The following OCIAD2 variants were observed in gnomAD, a reference collection of about 807,000 sequenced individuals.
OCIAD2 encodes the protein OCIA domain-containing protein 2.
OCIAD2 carries 29 observed loss-of-function variants against 22.9 expected under a neutral mutation model. The ratio of observed to expected loss-of-function variants is 1.27; its 90% CI spans 0.94 to 1.73. OCIAD2 has a LOEUF of 1.73. Among genes scored for constraint, OCIAD2 ranks in the 40% most tolerant of loss-of-function variants. The pLI is 0.00. For synonymous variants in OCIAD2, 67 were observed against 60.2 expected, an observed-to-expected ratio of 1.11 and a Z score of -0.52; for missense variants, 189 against 180.3, an observed-to-expected ratio of 1.05 and a Z score of -0.28.
rs528205358 is a variant in OCIAD2, at chr4:48,896,702, G to A, written c.217+1102C>T. ...TAATCCCAGGTACTCAGGAGGTCTA[G>A]TGGCGAGGATTGCTTGAGCCCAACA... On this transcript the variant is annotated intron_variant, in intron 4 of 6. Transcript: ENST00000508632. 7.9e-5 allele frequency among the ~76,000 whole-genome samples: 12 copies of A among 152,224 alleles called. No individual in the cohort carries two copies. In the South Asian group the frequency reaches 2.1e-3, roughly 26 times the overall value.
chr4:48,900,057 G>GGA (rs1781382226), intron 2 of OCIAD2, 132 bp from the exon 3 acceptor site: 2 of 566,986 alleles, frequency 3.5e-6, no homozygotes, highest in South Asian at 4.5e-5. Context: ...GCAGCCCAAA[G>GGA]CAATTATCAG....
intron 1 of OCIAD2, among the ~76,000 whole-genome samples, chr4:48,905,267 C>T (rs1259812677): frequency 6.6e-6 from 1 of 151,972 alleles, no homozygotes; most frequent in East Asian, 1.9e-4. Context: ...CGATTTGGGT[C>T]TAGAGTTCCA....
At chr4:48,892,199 A>G (rs1781193788) in intron 6 of OCIAD2, among the ~76,000 whole-genome samples, 1 of 152,246 alleles carries the variant, frequency 6.6e-6, no homozygotes, top group Non-Finnish European at 1.5e-5. Flanking sequence ...GTCATGAATA[A>G]TCATTTCTAT....
In OCIAD2 at chr4:48,885,463, C is replaced by T. The variant is rs768198511; in HGVS notation, c.*21G>A. ...ACAAATTCAGAGGTTTAAAAAACTT[C>T]GAAAGTCACAGACACAGAATTTAGG... is the stretch of plus-strand genomic sequence containing the variant. On this transcript the variant is annotated 3_prime_UTR_variant, in exon 7 of 7. Coordinates refer to ENST00000508632, the MANE Select transcript of OCIAD2 (RefSeq NM_001014446.3). 2.1e-5 allele frequency: 31 copies of T among 1,445,170 alleles called. No homozygotes were observed. Among genetic ancestry groups the T allele is most frequent in the East Asian group, 6.8e-5 (3 of 44,102 alleles). The allele number at this position is 1,445,170 out of a possible 1,614,324, so 89.5% of individuals were successfully genotyped here. A position where few individuals can be genotyped will look rare whatever the true frequency, so the allele number is the denominator to read the frequency against.
intron 3 of OCIAD2, among the ~76,000 whole-genome samples, chr4:48,898,148 C>T (rs537952969): frequency 1.3e-5 from 2 of 152,302 alleles, no homozygotes; most frequent in South Asian, 2.1e-4. Flanking sequence ...CTAAGCACTA[C>T]ATATAATAAA....
chr4:48,894,102 T>A, intron 4 of OCIAD2, 49 bp from the exon 5 acceptor site: 1 of 957,414 alleles, frequency 1.0e-6, no homozygotes, highest in South Asian at 2.6e-5. Context: ...ATAAATTAAA[T>A]TATAAGTTAT....
intron 6 of OCIAD2, among the ~76,000 whole-genome samples, chr4:48,891,965 T>C (rs1036441228): frequency 9.9e-5 from 15 of 152,200 alleles, no homozygotes; most frequent in Non-Finnish European, 2.1e-4. Flanking sequence ...TAAGGCCCCA[T>C]CTATCACTAC....
chr4:48,900,475 CT>C (rs536268143), intron 2 of OCIAD2, among the ~76,000 whole-genome samples: 113 of 146,910 alleles, frequency 7.7e-4, no homozygotes, highest in African/African-American at 1.5e-3. Context: ...AATCTGGATG[CT>C]TTTTTTTTTA....
chr4:48,900,566 AT>A (rs1781394067), intron 2 of OCIAD2, among the ~76,000 whole-genome samples: 1 of 150,626 alleles, frequency 6.6e-6, no homozygotes, highest in Admixed American at 6.6e-5. Flanking sequence ...GTTCTGTAGT[AT>A]TTTTTGGGAA....
At chr4:48,892,656 A>G (rs1186376233) in intron 6 of OCIAD2, 116 bp downstream of exon 6, 3 of 552,556 alleles carry the variant, frequency 5.4e-6, no homozygotes, top group Non-Finnish European at 9.4e-6. Context: ...TTGAGGGTTA[A>G]AACTTTTTTT....
chr4:48,904,488 T>C lies in OCIAD2; in HGVS notation c.62A>G (p.Lys21Arg). The C allele has an allele frequency of 6.2e-7, 1 of 1,613,722 alleles. No individual in the cohort carries two copies. The highest frequency in any genetic ancestry group is 8.5e-7 in the Non-Finnish European group (1 of 1,179,616). ...DKDAHFPPPS[K>R]QSLLFCPKSK... is the part of the protein sequence containing the mutation. ...TCAATAAATATAAAAGTATACCTGC[T>C]TGCTTGGTGGTGGAAAATGGGCATC... The change falls in exon 2 of 7, where the codon AAG becomes AGG. Residue 21 changes from lysine to arginine, a missense_variant. Physicochemically the swap from Lys to Arg is conservative, Grantham distance 26 (BLOSUM62 2). Transcript: ENST00000508632.
chr4:48,906,504 C>CT (rs1301047797), intron 1 of OCIAD2, among the ~76,000 whole-genome samples, 154 bp downstream of exon 1: 5 of 152,244 alleles, frequency 3.3e-5, no homozygotes, highest in Non-Finnish European at 2.9e-5. Flanking sequence ...TCCCCAGCCC[C>CT]TCGCCCGTGC....
intron 6 of OCIAD2, among the ~76,000 whole-genome samples, chr4:48,890,566 C>T (rs890765778): frequency 1.3e-5 from 2 of 152,114 alleles, no homozygotes; most frequent in Admixed American, 6.5e-5. Context: ...GAATTTCTGG[C>T]TTATAGTTTG....
chr4:48,892,855 T>C lies in OCIAD2; in HGVS notation c.300A>G (p.Val100=). 6.2e-7 allele frequency: 1 copy of C among 1,610,962 alleles called. No homozygotes were observed. The change falls in exon 6 of 7, where the codon GTA becomes GTG. Residue 100 remains valine (V), a synonymous_variant. Transcript: ENST00000508632. ...AGLLGFGLGK[V]SYIGVCQSKF... Reference sequence around the variant, plus strand: ...TACTCTGGCATACTCCTATGTATGATACCTTTCCAAGGCCAAATCCCAAGA... The same window carrying C: ...TACTCTGGCATACTCCTATGTATGACACCTTTCCAAGGCCAAATCCCAAGA...
At chr4:48,901,358 CAG>C (rs1376615394) in intron 2 of OCIAD2, among the ~76,000 whole-genome samples, 1 of 152,112 alleles carries the variant, frequency 6.6e-6, no homozygotes. Context: ...CTCACTGTGA[CAG>C]AGTCTTGCTA....
rs1781488529 is a variant in OCIAD2 at position 48,904,568 on chromosome 4, C to G, written c.-19G>C. 4 of 1,612,982 alleles carry G rather than the reference C, an allele frequency of 2.5e-6. No individual in the cohort carries two copies. Among genetic ancestry groups the G allele is most frequent in the Non-Finnish European group, 3.4e-6 (4 of 1,179,160 alleles). ...AAGCCATGATGACTTTGTGCTTGCT[C>G]TCCTTCCAGTTGTTTATCCTCTGCT... On this transcript the variant is annotated 5_prime_UTR_variant, in exon 2 of 7. Coordinates refer to ENST00000508632, the MANE Select transcript of OCIAD2 (RefSeq NM_001014446.3).
At chr4:48,890,645 A>T (rs1032839738) in intron 6 of OCIAD2, among the ~76,000 whole-genome samples, 1 of 152,194 alleles carries the variant, frequency 6.6e-6, no homozygotes, top group Non-Finnish European at 1.5e-5. Context: ...TAATATTCGC[A>T]TTTGAATATG....
chr4:48,893,931 C>T, intron 5 of OCIAD2, 75 bp downstream of exon 5: 1 of 890,614 alleles, frequency 1.1e-6, no homozygotes, highest in Non-Finnish European at 1.7e-6. Flanking sequence ...ATCTACCCAC[C>T]TCAGCCTCCC....
chr4:48,890,887 G>C (rs1243290014), intron 6 of OCIAD2, among the ~76,000 whole-genome samples: 5 of 152,136 alleles, frequency 3.3e-5, no homozygotes, highest in African/African-American at 1.2e-4. Flanking sequence ...ACATGGAGGA[G>C]GAACCCCTTT....
Sources: gnomAD v4.1 joint callset for allele counts (sites outside exome capture counted in the v4.1 genomes callset) on GRCh38, gnomAD v4.1.1 for gene constraint, MANE v1.5 for transcripts, NCBI Gene and HGNC (gene_info 2026-07-23, HGNC 2026-07-21) for gene names.